TFEC: variants seen among roughly 807,000 people sequenced by gnomAD.
The protein encoded by TFEC is transcription factor EC, also known as class E basic helix-loop-helix protein 34.
Under a neutral mutation model 41.6 loss-of-function variants are expected in TFEC, and 31 were observed. That is an observed-to-expected ratio of 0.74 (90% CI 0.56 to 1.01). The LOEUF (loss-of-function observed/expected upper bound fraction) is 1.01, where lower values mean the gene tolerates loss of function less well. TFEC is among the 50% of genes least tolerant of loss of function. The pLI is 0.00. For synonymous variants in TFEC, 143 were observed against 140.6 expected (o/e 1.02, Z -0.12); for missense variants, 402 against 404.1 (o/e 0.99, Z 0.04).
At chr7:115,965,895 C>T (rs1792822952) in intron 3 of TFEC, among the ~76,000 whole-genome samples, 1 of 151,646 alleles carries the variant, frequency 6.6e-6, no homozygotes, top group South Asian at 2.1e-4. Context: ...TGATCTATCA[C>T]TCAGATATGA....
At chr7:115,965,461 T>A (rs1324053771) in intron 3 of TFEC, among the ~76,000 whole-genome samples, 1 of 151,736 alleles carries the variant, frequency 6.6e-6, no homozygotes, top group South Asian at 2.1e-4. Context: ...ATTTGCTTAC[T>A]GTTAGGATAA....
intron 3 of TFEC, among the ~76,000 whole-genome samples, chr7:116,062,843 G>A (rs903363909): frequency 2.0e-5 from 3 of 151,992 alleles, no homozygotes; most frequent in African/African-American, 7.2e-5. Context: ...CAGACTGCTG[G>A]TAGGAATGTT....
intron 1 of TFEC, among the ~76,000 whole-genome samples, chr7:115,993,039 G>T (rs1344423626): frequency 6.6e-6 from 1 of 152,176 alleles, no homozygotes; most frequent in Admixed American, 6.5e-5. Context: ...GGGATGCAAG[G>T]CTGGTTCAAC....
chr7:116,124,142 T>A (rs991174870), intron 1 of TFEC, among the ~76,000 whole-genome samples: 1 of 152,112 alleles, frequency 6.6e-6, no homozygotes, highest in Non-Finnish European at 1.5e-5. Context: ...TGAAAAGTTA[T>A]CTCCCAAAAT....
At chr7:116,044,307 T>C (rs1030562167) in intron 3 of TFEC, among the ~76,000 whole-genome samples, 3 of 152,186 alleles carry the variant, frequency 2.0e-5, no homozygotes, top group Non-Finnish European at 2.9e-5. Flanking sequence ...CCTTTTCTAA[T>C]TGATATTTTA....
chr7:115,992,168 G>A (rs543463329), intron 1 of TFEC, among the ~76,000 whole-genome samples: 20 of 152,292 alleles, frequency 1.3e-4, no homozygotes, highest in African/African-American at 4.8e-4. Context: ...TGAGAACAAA[G>A]ACACAACATA....
intron 3 of TFEC, among the ~76,000 whole-genome samples, chr7:116,053,861 TAAGCA>T (rs1455850749): frequency 1.3e-5 from 2 of 152,216 alleles, no homozygotes; most frequent in African/African-American, 2.4e-5. Flanking sequence ...TATTTTGTTA[TAAGCA>T]ACAGAAAACA....
At chr7:116,007,602 C>T (rs772646012) in intron 1 of TFEC, among the ~76,000 whole-genome samples, 13 of 152,134 alleles carry the variant, frequency 8.5e-5, no homozygotes, top group Non-Finnish European at 1.2e-4. Context: ...TAGTGTTCTA[C>T]GCTGTAGTCT....
intron 1 of TFEC, among the ~76,000 whole-genome samples, chr7:116,158,295 TC>T (rs1168593525): frequency 6.6e-6 from 1 of 152,048 alleles, no homozygotes; most frequent in African/African-American, 2.4e-5. Flanking sequence ...TTCTCTTTTT[TC>T]CCCCTCATCT....
chr7:115,946,139 A>G lies in TFEC; in HGVS notation c.516-4099T>C, dbSNP rs1791530161. Among the ~76,000 whole-genome samples, 2 of 151,590 alleles carry G rather than the reference A, an allele frequency of 1.3e-5. 1 individual carries two copies. Among genetic ancestry groups the G allele is most frequent in the South Asian group, 4.3e-4 (2 of 4,610 alleles). ...CACCTTATTTGATTTTATTTTTATA[A>G]AAACACAGGCATATAGGGAAGACAA... On this transcript the variant is annotated intron_variant, in intron 6 of 7. Coordinates refer to ENST00000265440, the MANE Select transcript of TFEC (RefSeq NM_012252.4).
intron 3 of TFEC, among the ~76,000 whole-genome samples, chr7:116,092,888 A>C (rs1300704264): frequency 6.6e-6 from 1 of 152,158 alleles, no homozygotes; most frequent in Non-Finnish European, 1.5e-5. Flanking sequence ...GAGTCTGACC[A>C]TTACTTTAGG....
At chr7:116,116,006 A>T (rs961388810) in intron 1 of TFEC, among the ~76,000 whole-genome samples, 1 of 151,952 alleles carries the variant, frequency 6.6e-6, no homozygotes. Context: ...TTTACAGCTG[A>T]TATGAATCCA....
intron 1 of TFEC, among the ~76,000 whole-genome samples, chr7:116,005,409 T>C (rs1794750834): frequency 6.6e-6 from 1 of 152,180 alleles, no homozygotes; most frequent in Non-Finnish European, 1.5e-5. Context: ...ATGAGGAACT[T>C]GTTGGGAACT....
intron 3 of TFEC, among the ~76,000 whole-genome samples, chr7:116,083,837 G>A (rs1363489862): frequency 1.3e-5 from 2 of 151,750 alleles, no homozygotes; most frequent in East Asian, 3.9e-4. Flanking sequence ...GTTCTTACTT[G>A]GCCATCAATA....
At position 116,122,021 on chromosome 7, in the gene TFEC, T is replaced by C. The variant is rs529779099; in HGVS notation, c.-68-9983A>G. 6.1e-4 allele frequency among the ~76,000 whole-genome samples: 93 copies of C among 152,138 alleles called. 1 individual carries two copies. In the South Asian group the frequency reaches 0.019, roughly 31 times the overall value. On this transcript the variant is annotated intron_variant, in intron 1 of 8. Coordinates refer to the TFEC transcript ENST00000484212. Reference sequence around the variant, plus strand: ...ATAGCTGTAGCTAGGTGCCCAGAATTTCTTCTCTACAGGGAAATGTTGGAA... The same window carrying C: ...ATAGCTGTAGCTAGGTGCCCAGAATCTCTTCTCTACAGGGAAATGTTGGAA...
At chr7:115,972,226 C>T (rs1221860334) in intron 3 of TFEC, among the ~76,000 whole-genome samples, 2 of 152,074 alleles carry the variant, frequency 1.3e-5, no homozygotes, top group African/African-American at 4.8e-5. Flanking sequence ...TTCTAAAGGA[C>T]TTCCAAAAAT....
At chr7:116,090,103 C>T (rs1797290939) in intron 3 of TFEC, among the ~76,000 whole-genome samples, 1 of 152,176 alleles carries the variant, frequency 6.6e-6, no homozygotes, top group South Asian at 2.1e-4. Context: ...GGACAAGAGA[C>T]TACCTTTGCA....
At chr7:116,158,077 T>C (rs1324791607) in intron 1 of TFEC, among the ~76,000 whole-genome samples, 2 of 152,170 alleles carry the variant, frequency 1.3e-5, no homozygotes, top group Non-Finnish European at 2.9e-5. Context: ...TTATTCTATA[T>C]GCATTGAATT....
chr7:116,156,477 A>G (rs145511215), intron 1 of TFEC, among the ~76,000 whole-genome samples: 368 of 152,326 alleles, frequency 2.4e-3, no homozygotes, highest in African/African-American at 8.6e-3. Flanking sequence ...GGAAAACAAG[A>G]TATTACAAAC....
Sources: allele counts gnomAD v4.1 joint callset (sites outside exome capture counted in the v4.1 genomes callset), GRCh38; gene constraint gnomAD v4.1.1; transcripts MANE v1.5; gene names NCBI Gene and HGNC (gene_info 2026-07-23, HGNC 2026-07-21).